Variants in ATP6V1H observed in about 807,000 individuals in gnomAD.
ATP6V1H encodes ATPase H+ transporting V1 subunit H.
Under a neutral mutation model 71.7 loss-of-function variants are expected in ATP6V1H, and 39 were observed. The observed-to-expected ratio is 0.54, with a 90% CI of 0.42 to 0.71. The LOEUF (loss-of-function observed/expected upper bound fraction) is 0.71, where lower values mean the gene tolerates loss of function less well. ATP6V1H is among the 30% of genes least tolerant of loss of function. The probability of loss-of-function intolerance (pLI) is 0.00; values close to 1 mark genes in which losing one functional copy is unlikely to be tolerated. For missense variants in ATP6V1H, 509 were observed against 594.9 expected, an observed-to-expected ratio of 0.86 and a Z score of 1.50; for synonymous variants, 192 against 199.3, an observed-to-expected ratio of 0.96 and a Z score of 0.31.
chr8:53,837,630 A>C (rs1355404145), intron 2 of ATP6V1H, among the ~76,000 whole-genome samples: 1 of 152,144 alleles, frequency 6.6e-6, no homozygotes, highest in African/African-American at 2.4e-5. Context: ...CAAGGAGCTG[A>C]GGTTTGCTAT....
rs140618257 is a variant in ATP6V1H, at chr8:53,812,411, G to A, written c.526-1194C>T. 1.9e-3 allele frequency among the ~76,000 whole-genome samples: 293 copies of A among 152,312 alleles called. 3 individuals carry two copies. The highest frequency in any genetic ancestry group is 5.8e-4 in the East Asian group (3 of 5,184). ...TCTAATGAAAACTATTCTAGACATT[G>A]AAATATTTACTTCCACTAGTGATGA... On this transcript the variant is annotated intron_variant, in intron 6 of 13. Transcript: ENST00000359530.
chr8:53,715,551 G>GATCGATAGAT lies in ATP6V1H; in HGVS notation c.*412_*413insATCTATCGAT, dbSNP rs561535799. ...CTGCATAGAGACATAGATTGATAGAGCGATAGATTTTAAAACATTTATTTG... is the reference window on the plus strand; with the variant it reads ...CTGCATAGAGACATAGATTGATAGAGATCGATAGATCGATAGATTTTAAAACATTTATTTG... On this transcript the variant is annotated 3_prime_UTR_variant, in exon 14 of 14. Transcript: ENST00000359530. The GATCGATAGAT allele has an allele frequency of 2.1e-3, 340 of 159,780 alleles. 2 individuals are homozygous for GATCGATAGAT. Among genetic ancestry groups the GATCGATAGAT allele is most frequent in the African/African-American group, 7.9e-3 (328 of 41,728 alleles). The allele number at this position is 159,780 out of a possible 1,614,324, so 9.9% of individuals were successfully genotyped here.
intron 2 of ATP6V1H, chr8:53,840,052 G>T: frequency 5.4e-6 from 2 of 369,788 alleles, no homozygotes; most frequent in Non-Finnish European, 7.5e-6. Context: ...TCCCAAGGCT[G>T]CTCCTACTTG....
chr8:53,728,136 G>A (rs1326649782), intron 13 of ATP6V1H, among the ~76,000 whole-genome samples: 1 of 152,184 alleles, frequency 6.6e-6, no homozygotes, highest in Non-Finnish European at 1.5e-5. Context: ...TCTCACGGTA[G>A]CCGCCTGTTC....
intron 7 of ATP6V1H, among the ~76,000 whole-genome samples, chr8:53,802,952 T>C (rs1809962087): frequency 6.6e-6 from 1 of 152,184 alleles, no homozygotes; most frequent in South Asian, 2.1e-4. Flanking sequence ...TCCCAGAAAG[T>C]TGCAAGCCCC....
chr8:53,836,097 A>G (rs1811150510), intron 2 of ATP6V1H, among the ~76,000 whole-genome samples: 1 of 152,210 alleles, frequency 6.6e-6, no homozygotes, highest in Non-Finnish European at 1.5e-5. Flanking sequence ...TCAGGAAAAA[A>G]TGCACTCTGC....
intron 12 of ATP6V1H, among the ~76,000 whole-genome samples, chr8:53,745,011 C>A (rs2130192674): frequency 6.6e-6 from 1 of 152,290 alleles, no homozygotes; most frequent in Non-Finnish European, 1.5e-5. Flanking sequence ...CTCCCGCCTC[C>A]CATTCTCACT....
At chr8:53,788,140 A>C (rs1276560901) in intron 9 of ATP6V1H, among the ~76,000 whole-genome samples, 1 of 152,196 alleles carries the variant, frequency 6.6e-6, no homozygotes, top group East Asian at 1.9e-4. Context: ...TCCACTGTAC[A>C]TATCAAAATT....
intron 2 of ATP6V1H, among the ~76,000 whole-genome samples, chr8:53,838,842 A>G (rs1315880300): frequency 6.6e-6 from 1 of 152,222 alleles, no homozygotes; most frequent in Non-Finnish European, 1.5e-5. Context: ...ACGCTTCCAC[A>G]GGTCTTATTA....
At chr8:53,719,123 A>G (rs1281767837) in intron 13 of ATP6V1H, among the ~76,000 whole-genome samples, 1 of 151,930 alleles carries the variant, frequency 6.6e-6, no homozygotes, top group Non-Finnish European at 1.5e-5. Flanking sequence ...ACCTATACGA[A>G]CTTTGGGGAA....
chr8:53,751,434 T>C (rs1275601134), intron 12 of ATP6V1H, among the ~76,000 whole-genome samples: 1 of 152,210 alleles, frequency 6.6e-6, no homozygotes, highest in Non-Finnish European at 1.5e-5. Flanking sequence ...ACTGTTGAAA[T>C]AGTCCAAAGT....
intron 13 of ATP6V1H, among the ~76,000 whole-genome samples, chr8:53,733,725 G>A (rs1807105995): frequency 6.6e-6 from 1 of 152,168 alleles, no homozygotes; most frequent in Non-Finnish European, 1.5e-5. Flanking sequence ...AAACTTGGCA[G>A]TACTGGCCAA....
intron 9 of ATP6V1H, among the ~76,000 whole-genome samples, chr8:53,775,382 C>G (rs1808836030): frequency 6.6e-6 from 1 of 152,234 alleles, no homozygotes; most frequent in South Asian, 2.1e-4. Context: ...CCAATGCTGG[C>G]TCGGGCAGCC....
At chr8:53,781,205 G>T (rs1809114144) in intron 9 of ATP6V1H, among the ~76,000 whole-genome samples, 1 of 152,126 alleles carries the variant, frequency 6.6e-6, no homozygotes. Context: ...AGCACCTGTT[G>T]TTTCCTGACT....
At chr8:53,722,338 C>A (rs912395914) in intron 13 of ATP6V1H, among the ~76,000 whole-genome samples, 1 of 152,116 alleles carries the variant, frequency 6.6e-6, no homozygotes, top group Non-Finnish European at 1.5e-5. Context: ...AATGCTGGTT[C>A]CTGATCAGCA....
At chr8:53,730,958 CCTTA>C (rs1334377926) in intron 13 of ATP6V1H, among the ~76,000 whole-genome samples, 1 of 152,106 alleles carries the variant, frequency 6.6e-6, no homozygotes, top group Admixed American at 6.6e-5. Context: ...AAGATAAACC[CCTTA>C]CTTATTAAAA....
chr8:53,755,720 ATATATATATATATATATATATAT>A (rs1235135477), intron 12 of ATP6V1H, among the ~76,000 whole-genome samples: 1 of 5,412 alleles, frequency 1.8e-4, no homozygotes. Context: ...ATATATATAT[ATATATATATATATATATATATAT>A]ATTTTTTTTT....
chr8:53,780,421 G>T (rs1298630608), intron 9 of ATP6V1H, among the ~76,000 whole-genome samples: 5 of 152,036 alleles, frequency 3.3e-5, no homozygotes, highest in Non-Finnish European at 7.4e-5. Context: ...TATAAAAAAT[G>T]AAAAGAAGGA....
chr8:53,766,617 G>C (rs1808476745), intron 11 of ATP6V1H, among the ~76,000 whole-genome samples: 1 of 152,136 alleles, frequency 6.6e-6, no homozygotes, highest in South Asian at 2.1e-4. Context: ...CTTTTTCTCA[G>C]CATGGGATAT....
Sources: gnomAD v4.1 joint callset for allele counts (sites outside exome capture counted in the v4.1 genomes callset) on GRCh38, gnomAD v4.1.1 for gene constraint, MANE v1.5 for transcripts, NCBI Gene and HGNC (gene_info 2026-07-23, HGNC 2026-07-21) for gene names.